The following PBRM1 variants were observed in gnomAD, a reference collection of about 807,000 sequenced individuals.
PBRM1 encodes the protein protein polybromo-1.
Under a neutral mutation model 194.5 loss-of-function variants are expected in PBRM1, and 27 were observed. The ratio of observed to expected loss-of-function variants is 0.14; its 90% CI spans 0.10 to 0.19. PBRM1 has a LOEUF of 0.19. Ranked by LOEUF, PBRM1 falls within the 10% of genes least tolerant of loss-of-function variation. The pLI, the probability that PBRM1 is intolerant of heterozygous loss-of-function variation, is 1.00. For missense variants in PBRM1, 1,466 were observed against 2,077.2 expected (o/e 0.71, Z 5.72); for synonymous variants, 655 against 693.2 (o/e 0.94, Z 0.87).
chr3:52,594,305 A>T (rs7628578), intron 17 of PBRM1, among the ~76,000 whole-genome samples: 67,297 of 152,060 alleles, frequency 0.44, 15,286 homozygotes, highest in African/African-American at 0.52. Context: ...TCTTGTTGAA[A>T]TGAACCCTTT....
chr3:52,591,733 T>A (rs140374440), intron 17 of PBRM1, among the ~76,000 whole-genome samples: 5,772 of 150,226 alleles, frequency 0.038, 350 homozygotes, highest in African/African-American at 0.13. Flanking sequence ...TTGGCCAGGC[T>A]GGTCTTGAAC....
intron 25 of PBRM1, among the ~76,000 whole-genome samples, chr3:52,559,994 A>C (rs2083117948): frequency 6.6e-6 from 1 of 152,132 alleles, no homozygotes; most frequent in African/African-American, 2.4e-5. Context: ...TGGCTACCCA[A>C]ACTCTAAACT....
intron 27 of PBRM1, among the ~76,000 whole-genome samples, chr3:52,551,649 T>A (rs2081014620): frequency 6.6e-6 from 1 of 152,184 alleles, no homozygotes; most frequent in South Asian, 2.1e-4. Context: ...GCTATTCTGA[T>A]AAAATACAGA....
chr3:52,593,338 C>T (rs1441946272), intron 17 of PBRM1, among the ~76,000 whole-genome samples: 2 of 152,242 alleles, frequency 1.3e-5, no homozygotes, highest in African/African-American at 4.8e-5. Context: ...CTGCCACCTC[C>T]ACCTCCTTGT....
intron 2 of PBRM1, among the ~76,000 whole-genome samples, chr3:52,675,039 A>G (rs1212840960): frequency 6.6e-6 from 1 of 152,154 alleles, no homozygotes. Context: ...CTAAAATCAT[A>G]AAGAGGAGAC....
In PBRM1 at chr3:52,654,111, A is replaced by G. The variant is rs551305179; in HGVS notation, c.646-2301T>C. 2.6e-5 allele frequency among the ~76,000 whole-genome samples: 4 copies of G among 152,280 alleles called. No individual in the cohort carries two copies. In the South Asian group the frequency reaches 8.3e-4, roughly 32 times the overall value. On this transcript the variant is annotated intron_variant, in intron 5 of 29. Coordinates refer to ENST00000296302, the Ensembl canonical transcript of PBRM1. ...TGCCCAAATATCAAAAGTTGGTCTT[A>G]TCAGATGGGAGAGGTTCAGGGGAAG...
At chr3:52,660,185 G>A (rs1298773263) in intron 4 of PBRM1, among the ~76,000 whole-genome samples, 3 of 152,154 alleles carry the variant, frequency 2.0e-5, no homozygotes, top group East Asian at 1.9e-4. Flanking sequence ...AGAAGTACGG[G>A]CAAGTCCTAA....
chr3:52,603,855 GA>G, intron 16 of PBRM1, 123 bp from the exon 19 acceptor site: 1 of 858,828 alleles, frequency 1.2e-6, no homozygotes, highest in Non-Finnish European at 1.7e-6. Flanking sequence ...ACAGGTCTAT[GA>G]AGAGTATCTT....
rs771543427 is a variant in PBRM1 at position 52,563,264 on chromosome 3, A to T, written c.4086+19T>A. The T allele has an allele frequency of 9.4e-6, 15 of 1,595,204 alleles. No homozygotes were observed. On this transcript the variant is annotated intron_variant, in intron 24 of 29. Transcript: ENST00000296302. ...CAAAGGTGGTAATAAGATAAGTAAC[A>T]GGAACCTGTCACCTTCACCTGTGGG... is the stretch of plus-strand genomic sequence containing the variant.
At chr3:52,641,700 T>C (rs1430927154) in intron 10 of PBRM1, among the ~76,000 whole-genome samples, 4 of 152,116 alleles carry the variant, frequency 2.6e-5, no homozygotes, top group Non-Finnish European at 4.4e-5. Flanking sequence ...TATTTATCAT[T>C]ATAGGTTTTA....
chr3:52,640,263 C>A (rs889929659), intron 10 of PBRM1, among the ~76,000 whole-genome samples: 14 of 151,868 alleles, frequency 9.2e-5, no homozygotes, highest in East Asian at 3.9e-4. Flanking sequence ...GACAAAAGCC[C>A]AATTTTATTA....
chr3:52,647,390 C>T (rs1441430118), intron 7 of PBRM1, among the ~76,000 whole-genome samples: 2 of 122,022 alleles, frequency 1.6e-5, no homozygotes, highest in Non-Finnish European at 3.2e-5. Flanking sequence ...AGTTACCACA[C>T]ATGGCCCCGC....
upstream of PBRM1, among the ~76,000 whole-genome samples, chr3:52,680,273 C>T (rs529227768): frequency 6.6e-6 from 1 of 152,292 alleles, no homozygotes; most frequent in African/African-American, 2.4e-5. Flanking sequence ...GACAATTAAC[C>T]TTCTAGCACT....
chr3:52,627,717 G>C (rs2153583517), intron 12 of PBRM1, among the ~76,000 whole-genome samples: 1 of 152,268 alleles, frequency 6.6e-6, no homozygotes, highest in Non-Finnish European at 1.5e-5. Context: ...AGGGCCTTTG[G>C]TACTCCTGAC....
chr3:52,591,675 A>G (rs1264081242), intron 17 of PBRM1, among the ~76,000 whole-genome samples: 2 of 150,902 alleles, frequency 1.3e-5, no homozygotes, highest in Non-Finnish European at 3.0e-5. Flanking sequence ...GCCCACCACC[A>G]TGCCCGGCTA....
At position 52,589,261 on chromosome 3, in the gene PBRM1, G is replaced by T; in HGVS notation, c.2780-6C>A. 6.6e-7 allele frequency: 1 copy of T among 1,506,616 alleles called. No individual in the cohort carries two copies. The highest frequency in any genetic ancestry group is 8.8e-7 in the Non-Finnish European group (1 of 1,132,754). The allele number at this position is 1,506,616 out of a possible 1,614,324, so 93.3% of individuals were successfully genotyped here. ...ATCTTCACTCTTTTCAGCTTCTTAGGTAAAAAAATAAATAAATAAAGGAAA... is the reference window on the plus strand; with the variant it reads ...ATCTTCACTCTTTTCAGCTTCTTAGTTAAAAAAATAAATAAATAAAGGAAA... On this transcript the variant is annotated splice_region_variant and splice_polypyrimidine_tract_variant and intron_variant, in intron 17 of 29. Coordinates refer to ENST00000296302, the Ensembl canonical transcript of PBRM1.
At chr3:52,654,873 G>C (rs2096577978) in intron 5 of PBRM1, among the ~76,000 whole-genome samples, 2 of 151,992 alleles carry the variant, frequency 1.3e-5, no homozygotes, top group South Asian at 4.2e-4. Context: ...CTGCGGCCTT[G>C]AACTCCTAGG....
chr3:52,673,616 G>A (rs1325980814), intron 2 of PBRM1, among the ~76,000 whole-genome samples: 1 of 142,004 alleles, frequency 7.0e-6, no homozygotes, highest in Non-Finnish European at 1.5e-5. Context: ...AAGTTGCAGT[G>A]AGCCAAGACT....
At chr3:52,634,874 T>C in intron 10 of PBRM1, 59 bp from the exon 12 acceptor site, 2 of 1,181,944 alleles carry the variant, frequency 1.7e-6, no homozygotes, top group East Asian at 2.3e-5. Context: ...AGAACCATAC[T>C]TTAAAGTTCA....
Sources: gnomAD v4.1 joint callset for allele counts (sites outside exome capture counted in the v4.1 genomes callset) on GRCh38, gnomAD v4.1.1 for gene constraint, MANE v1.5 for transcripts, NCBI Gene and HGNC (gene_info 2026-07-23, HGNC 2026-07-21) for gene names.